Variants in CEP170 observed in about 807,000 individuals in gnomAD.
CEP170 encodes the protein centrosomal protein of 170 kDa.
In CEP170, 21 loss-of-function variants were observed where a neutral mutation model predicts 151.9. The ratio of observed to expected loss-of-function variants is 0.14; its 90% CI spans 0.10 to 0.20. The LOEUF (loss-of-function observed/expected upper bound fraction) is 0.20. CEP170 is among the 10% of genes least tolerant of loss of function. The probability of loss-of-function intolerance (pLI) is 1.00; values close to 1 mark genes in which losing one functional copy is unlikely to be tolerated. For missense variants in CEP170, 964 were observed against 1,892.9 expected, an observed-to-expected ratio of 0.51 and a Z score of 9.11; for synonymous variants, 356 against 648.8, an observed-to-expected ratio of 0.55 and a Z score of 6.86.
chr1:243,140,143 G>C, intron 15 of CEP170, 36 bp from the exon 16 acceptor site: 1 of 1,587,630 alleles, frequency 6.3e-7, no homozygotes, highest in Non-Finnish European at 8.6e-7. Flanking sequence ...TGAGAACACA[G>C]TAATTTGAAA....
intron 11 of CEP170, among the ~76,000 whole-genome samples, chr1:243,172,455 T>C (rs1421858862): frequency 3.9e-5 from 6 of 152,044 alleles, no homozygotes; most frequent in African/African-American, 1.4e-4. Flanking sequence ...ACCAACATGG[T>C]GAAACCATCT....
At chr1:243,148,217 A>T (rs1172714314) in intron 14 of CEP170, among the ~76,000 whole-genome samples, 2 of 152,060 alleles carry the variant, frequency 1.3e-5, no homozygotes, top group East Asian at 3.9e-4. Context: ...ACAAAAAACA[A>T]AGGAGACATA....
chr1:243,227,928 T>C (rs1000369062), intron 1 of CEP170, among the ~76,000 whole-genome samples: 5 of 152,234 alleles, frequency 3.3e-5, no homozygotes, highest in African/African-American at 4.8e-5. Context: ...GTCTGAATCC[T>C]GGTTCCACCA....
At chr1:243,180,436 C>A (rs184483687) in intron 10 of CEP170, among the ~76,000 whole-genome samples, 1 of 152,158 alleles carries the variant, frequency 6.6e-6, no homozygotes, top group African/African-American at 2.4e-5. Context: ...AAAGTAAGCT[C>A]TCCTGGTAGA....
At chr1:243,186,165 A>C (rs536617319) in intron 9 of CEP170, 93 bp from the exon 10 acceptor site, 2 of 1,613,288 alleles carry the variant, frequency 1.2e-6, no homozygotes, top group African/African-American at 2.7e-5. Context: ...GTTTCCTGAC[A>C]CAAGATTCCC....
intron 10 of CEP170, among the ~76,000 whole-genome samples, chr1:243,181,937 AT>A (rs751787190): frequency 4.0e-5 from 6 of 151,828 alleles, no homozygotes; most frequent in Non-Finnish European, 8.8e-5. Context: ...CTCATCTCTT[AT>A]TTTGTATTCA....
At chr1:243,235,262 C>T (rs1046808269) in intron 1 of CEP170, among the ~76,000 whole-genome samples, 3 of 152,142 alleles carry the variant, frequency 2.0e-5, no homozygotes, top group Non-Finnish European at 4.4e-5. Flanking sequence ...GCTCTTCAGG[C>T]CGGGGTGGTC....
intron 7 of CEP170, among the ~76,000 whole-genome samples, chr1:243,196,219 A>C (rs1339388458): frequency 2.0e-5 from 3 of 152,038 alleles, no homozygotes; most frequent in Non-Finnish European, 4.4e-5. Flanking sequence ...TGTTTACAAG[A>C]GTAATGATGG....
At chr1:243,180,227 G>T (rs2059535117) in intron 10 of CEP170, among the ~76,000 whole-genome samples, 2 of 152,142 alleles carry the variant, frequency 1.3e-5, no homozygotes, top group Non-Finnish European at 2.9e-5. Flanking sequence ...TCCTCAAAGA[G>T]GAAAATAAAT....
At chr1:243,229,821 C>A (rs2063572762) in intron 1 of CEP170, among the ~76,000 whole-genome samples, 1 of 152,162 alleles carries the variant, frequency 6.6e-6, no homozygotes. Flanking sequence ...GTTTGTTTTT[C>A]TTTCTCCTTT....
rs1484422123 is a variant in CEP170, at chr1:243,164,833, C to T, written c.3127G>A (p.Asp1043Asn). 1.9e-6 allele frequency: 3 copies of T among 1,612,622 alleles called. No individual in the cohort carries two copies. The highest frequency in any genetic ancestry group is 2.5e-6 in the Non-Finnish European group (3 of 1,178,962). The change falls in exon 13 of 20, where the codon GAT becomes AAT. Residue 1043 changes from aspartate (D) to asparagine (N), a missense_variant. Physicochemically the swap from Asp to Asn is conservative, Grantham distance 23. Transcript: ENST00000366542. ...GGTTTACAAGAGTAAGTTTCTTGAT[C>T]AGATGACATAATATCAGAGATGGCA... ...HSAISDIMSS[D>N]QETYSCKPHG...
rs150774284 is a variant in CEP170 at position 243,237,690 on chromosome 1, G to A, written c.-41-12369C>T. ...GCCGAGGAGGGTGGATCACCCTGAG[G>A]TCAGGAGTTCGAGACCAACCTGGCC... On this transcript the variant is annotated intron_variant, in intron 1 of 19. Coordinates refer to ENST00000366542, the MANE Select transcript of CEP170 (RefSeq NM_014812.3). Among the ~76,000 whole-genome samples the A allele has an allele frequency of 6.7e-3, 1,016 of 152,204 alleles. 13 individuals carry two copies. The highest frequency in any genetic ancestry group is 0.023 in the African/African-American group (965 of 41,538).
intron 4 of CEP170, among the ~76,000 whole-genome samples, chr1:243,205,379 TA>T (rs1186967240): frequency 6.6e-6 from 1 of 152,206 alleles, no homozygotes; most frequent in African/African-American, 2.4e-5. Context: ...GGCCAGATAG[TA>T]AATCTTTCAG....
At chr1:243,158,071 T>C (rs2057724686) in intron 13 of CEP170, among the ~76,000 whole-genome samples, 1 of 152,214 alleles carries the variant, frequency 6.6e-6, no homozygotes, top group Non-Finnish European at 1.5e-5. Flanking sequence ...ACCATGGTGA[T>C]AATGTGCTCA....
chr1:243,248,509 T>C (rs184737740), intron 1 of CEP170, among the ~76,000 whole-genome samples: 142 of 152,364 alleles, frequency 9.3e-4, no homozygotes, highest in Admixed American at 2.1e-3. Flanking sequence ...CTCTGAATGC[T>C]TGACTTACAT....
chr1:243,182,121 G>A (rs1037663569), intron 10 of CEP170, among the ~76,000 whole-genome samples: 13 of 151,900 alleles, frequency 8.6e-5, no homozygotes. Flanking sequence ...TTATGGGAAT[G>A]GATTTGTTCC....
chr1:243,137,244 A>G (rs1315082908), intron 16 of CEP170, among the ~76,000 whole-genome samples: 5 of 152,268 alleles, frequency 3.3e-5, no homozygotes, highest in East Asian at 3.8e-4. Context: ...GAAGCATGGT[A>G]GAAAAAGGTC....
intron 14 of CEP170, among the ~76,000 whole-genome samples, chr1:243,144,006 T>G (rs1012878174): frequency 1.3e-5 from 2 of 152,200 alleles, no homozygotes; most frequent in African/African-American, 4.8e-5. Context: ...ATATAAACTT[T>G]GTAAAAACGT....
chr1:243,154,317 G>A (rs2057370141), intron 14 of CEP170, among the ~76,000 whole-genome samples: 1 of 152,254 alleles, frequency 6.6e-6, no homozygotes, highest in Admixed American at 6.5e-5. Context: ...TTAGGTGACA[G>A]TAGTTCATTT....
Sources: gnomAD v4.1 joint callset for allele counts (sites outside exome capture counted in the v4.1 genomes callset) on GRCh38, gnomAD v4.1.1 for gene constraint, MANE v1.5 for transcripts, NCBI Gene and HGNC (gene_info 2026-07-23, HGNC 2026-07-21) for gene names.